The following GALNT17 variants were observed in gnomAD, a reference collection of about 807,000 sequenced individuals.
GALNT17 encodes polypeptide N-acetylgalactosaminyltransferase 17, also known as UDP-GalNAc:polypeptide N-acetylgalactosaminyltransferase-like 3.
In GALNT17, 29 loss-of-function variants were observed where a neutral mutation model predicts 63.7. The ratio of observed to expected loss-of-function variants is 0.46; its 90% CI spans 0.34 to 0.62. The LOEUF (loss-of-function observed/expected upper bound fraction) is 0.62. GALNT17 is among the 20% of genes least tolerant of loss of function. The pLI is 0.01. For synonymous variants in GALNT17, 305 were observed against 318.3 expected (o/e 0.96, Z 0.45); for missense variants, 603 against 799.6 (o/e 0.75, Z 2.97).
chr7:71,159,700 T>C (rs1284136276), intron 1 of GALNT17, among the ~76,000 whole-genome samples: 1 of 148,696 alleles, frequency 6.7e-6, no homozygotes, highest in Non-Finnish European at 1.5e-5. Context: ...CCAACATGCC[T>C]GGGGCATCTG....
chr7:71,550,708 G>A (rs1268832083), intron 5 of GALNT17, among the ~76,000 whole-genome samples: 1 of 152,088 alleles, frequency 6.6e-6, no homozygotes, highest in African/African-American at 2.4e-5. Flanking sequence ...TTTATATGAT[G>A]TTTTAATAGC....
At chr7:71,515,977 C>T (rs1788438812) in intron 5 of GALNT17, among the ~76,000 whole-genome samples, 2 of 152,038 alleles carry the variant, frequency 1.3e-5, no homozygotes, top group Non-Finnish European at 2.9e-5. Flanking sequence ...ACTGGATCCA[C>T]GTGTTGCATA....
At chr7:71,690,048 C>T (rs1791418625) in intron 9 of GALNT17, among the ~76,000 whole-genome samples, 2 of 143,822 alleles carry the variant, frequency 1.4e-5, no homozygotes, top group Admixed American at 1.4e-4. Context: ...TTTTTTGAGA[C>T]GGAGTCTCAC....
chr7:71,498,408 G>A (rs1410835097), intron 5 of GALNT17, among the ~76,000 whole-genome samples: 1 of 152,018 alleles, frequency 6.6e-6, no homozygotes, highest in Non-Finnish European at 1.5e-5. Context: ...GCCTGGTGGA[G>A]GTTGCAGTGA....
chr7:71,460,921 A>G (rs1275663775), intron 5 of GALNT17, among the ~76,000 whole-genome samples: 1 of 151,968 alleles, frequency 6.6e-6, no homozygotes, highest in Admixed American at 6.6e-5. Context: ...ACTGCAACCT[A>G]TTTTTATCAG....
intron 5 of GALNT17, among the ~76,000 whole-genome samples, chr7:71,531,374 A>G (rs1308051630): frequency 1.3e-5 from 2 of 152,172 alleles, no homozygotes; most frequent in African/African-American, 2.4e-5. Context: ...TATACATACA[A>G]TATTATTAAC....
intron 1 of GALNT17, among the ~76,000 whole-genome samples, chr7:71,177,275 T>C (rs1370540152): frequency 1.3e-5 from 2 of 152,100 alleles, no homozygotes; most frequent in African/African-American, 4.8e-5. Flanking sequence ...GACAGAGCCA[T>C]ATGTCCTTGA....
intron 2 of GALNT17, among the ~76,000 whole-genome samples, chr7:71,374,565 G>A (rs904887571): frequency 3.3e-5 from 5 of 152,192 alleles, no homozygotes; most frequent in African/African-American, 4.8e-5. Flanking sequence ...GCCCAGATCC[G>A]AGGGGTAGAG....
chr7:71,466,430 T>C (rs1346719856), intron 5 of GALNT17, among the ~76,000 whole-genome samples: 1 of 152,206 alleles, frequency 6.6e-6, no homozygotes, highest in African/African-American at 2.4e-5. Context: ...TGGTATAGTA[T>C]CACATGACAG....
At chr7:71,327,145 G>A (rs1186650152) in intron 1 of GALNT17, among the ~76,000 whole-genome samples, 3 of 152,168 alleles carry the variant, frequency 2.0e-5, no homozygotes, top group Non-Finnish European at 4.4e-5. Context: ...CCATTAAGGA[G>A]AGCACCTAAA....
chr7:71,135,438 C>T (rs965131845), intron 1 of GALNT17, among the ~76,000 whole-genome samples: 1 of 152,258 alleles, frequency 6.6e-6, no homozygotes, highest in East Asian at 1.9e-4. Context: ...CAATGACTTG[C>T]GAGATGGGTG....
At chr7:71,327,850 A>G (rs973200743) in intron 1 of GALNT17, among the ~76,000 whole-genome samples, 16 of 152,200 alleles carry the variant, frequency 1.1e-4, no homozygotes, top group African/African-American at 3.6e-4. Flanking sequence ...CCTGATAACA[A>G]CTGGATTATA....
At chr7:71,400,055 C>T (rs1364340824) in intron 3 of GALNT17, among the ~76,000 whole-genome samples, 1 of 152,120 alleles carries the variant, frequency 6.6e-6, no homozygotes, top group Non-Finnish European at 1.5e-5. Context: ...CATAGGTATA[C>T]ATGTGCCATG....
intron 2 of GALNT17, among the ~76,000 whole-genome samples, chr7:71,359,010 A>G (rs1384837276): frequency 1.3e-5 from 2 of 152,006 alleles, no homozygotes; most frequent in East Asian, 3.9e-4. Context: ...CCTGACCTCA[A>G]GTGATCCTCC....
Position 71,329,497 on chromosome 7 carries a change from A to G in GALNT17, c.239-6053A>G, listed in dbSNP as rs144749257. On this transcript the variant is annotated intron_variant, in intron 1 of 10. Coordinates refer to ENST00000333538, the MANE Select transcript of GALNT17 (RefSeq NM_022479.3). ...AGTCCGTTCTCCTACTGCTATTAAA[A>G]ACTACCCGAGACTGTGTAATTTATG... Among the ~76,000 whole-genome samples, 617 of 152,144 alleles carry G rather than the reference A, an allele frequency of 4.1e-3. 5 individuals are homozygous for G. Among genetic ancestry groups the G allele is most frequent in the Middle Eastern group, 0.014 (4 of 294 alleles).
At chr7:71,700,152 C>A (rs751969426) in intron 9 of GALNT17, among the ~76,000 whole-genome samples, 83 of 151,362 alleles carry the variant, frequency 5.5e-4, no homozygotes, top group South Asian at 1.7e-3. Context: ...ACAACAACAA[C>A]AAAAAACTAG....
At chr7:71,268,059 G>A (rs1790522725) in intron 1 of GALNT17, among the ~76,000 whole-genome samples, 1 of 152,210 alleles carries the variant, frequency 6.6e-6, no homozygotes, top group African/African-American at 2.4e-5. Flanking sequence ...GATGCTGGAT[G>A]CCTCTGTGGA....
At chr7:71,513,374 G>GT (rs1033459149) in intron 5 of GALNT17, among the ~76,000 whole-genome samples, 2 of 151,012 alleles carry the variant, frequency 1.3e-5, no homozygotes, top group African/African-American at 2.4e-5. Context: ...GTTTTTTTTT[G>GT]TTTTTTTGTT....
chr7:71,618,524 G>A (rs1353471923), intron 6 of GALNT17, among the ~76,000 whole-genome samples: 1 of 152,086 alleles, frequency 6.6e-6, no homozygotes, highest in Non-Finnish European at 1.5e-5. Context: ...GTATGAGATG[G>A]TATCTCACTG....
Sources: gnomAD v4.1 joint callset for allele counts (sites outside exome capture counted in the v4.1 genomes callset) on GRCh38, gnomAD v4.1.1 for gene constraint, MANE v1.5 for transcripts, NCBI Gene and HGNC (gene_info 2026-07-23, HGNC 2026-07-21) for gene names.